The following PACS1 variants were observed in gnomAD, a reference collection of about 807,000 sequenced individuals.
PACS1 encodes the protein PACS-1.
A neutral mutation model predicts 115.0 loss-of-function variants in PACS1; 24 were observed. That is an observed-to-expected ratio of 0.21 (90% CI 0.15 to 0.29). PACS1 has a LOEUF of 0.29. Ranked by LOEUF, PACS1 falls within the 10% of genes least tolerant of loss-of-function variation. The pLI is 1.00. For missense variants in PACS1, 838 were observed against 1,251.2 expected, an observed-to-expected ratio of 0.67 and a Z score of 4.98; for synonymous variants, 453 against 504.5, an observed-to-expected ratio of 0.90 and a Z score of 1.37.
chr11:66,236,071 C>G lies in PACS1; in HGVS notation c.2250+131C>G. On this transcript the variant is annotated intron_variant, in intron 19 of 23. Coordinates refer to ENST00000320580, the MANE Select transcript of PACS1 (RefSeq NM_018026.4). This position sits in a 1 kb window ranked among gnomAD's most constrained non-coding sequence, Gnocchi z 4.2. The stretch of plus-strand genomic sequence containing the variant: ...ACACTGGAGATTTTGCCTCCAGGGA[C>G]TACCTGGCAGTGTCTGGAGACGTGT... 9 of 858,760 alleles carry G rather than the reference C, an allele frequency of 1.0e-5. No homozygotes were observed. Among genetic ancestry groups the G allele is most frequent in the Non-Finnish European group, 1.6e-5 (8 of 498,164 alleles). 53.2% of individuals were successfully genotyped at this position (858,760 alleles called of 1,614,324 possible).
intron 1 of PACS1, among the ~76,000 whole-genome samples, chr11:66,183,983 G>A (rs1056786967): frequency 2.0e-5 from 3 of 152,082 alleles, no homozygotes; most frequent in Non-Finnish European, 4.4e-5. Context: ...TGCCTCTTCT[G>A]TTACAGCCAG....
intron 1 of PACS1, among the ~76,000 whole-genome samples, chr11:66,103,683 G>A (rs187153452): frequency 3.3e-5 from 5 of 151,846 alleles, no homozygotes; most frequent in African/African-American, 1.2e-4. Context: ...GCTGATTTTT[G>A]TATTTTTTTT....
At chr11:66,215,431 C>T (rs1189942919) in intron 4 of PACS1, among the ~76,000 whole-genome samples, 1 of 151,404 alleles carries the variant, frequency 6.6e-6, no homozygotes, top group Non-Finnish European at 1.5e-5. Context: ...AGTGAGACCC[C>T]ATCTCTACAT....
intron 1 of PACS1, among the ~76,000 whole-genome samples, chr11:66,142,983 A>G (rs758929791): frequency 1.3e-5 from 2 of 151,878 alleles, no homozygotes; most frequent in Non-Finnish European, 2.9e-5. Flanking sequence ...TGGGGCTTGA[A>G]TAGAAATTCC....
At chr11:66,228,007 G>T (rs1278406835) in intron 11 of PACS1, among the ~76,000 whole-genome samples, 1 of 152,134 alleles carries the variant, frequency 6.6e-6, no homozygotes. Flanking sequence ...AGGAGTGCAG[G>T]CCTAAGCCCC....
At chr11:66,202,742 AATATATATATAT>A (rs56203680) in intron 2 of PACS1, among the ~76,000 whole-genome samples, 4 of 71,652 alleles carry the variant, frequency 5.6e-5, no homozygotes, top group African/African-American at 1.6e-4. Flanking sequence ...AAAAAAAAAA[AATATATATATAT>A]ATATATATAT....
intron 1 of PACS1, among the ~76,000 whole-genome samples, chr11:66,159,612 G>T (rs1028197192): frequency 6.6e-6 from 1 of 152,110 alleles, no homozygotes. Flanking sequence ...TTTTGGGGGT[G>T]GGGGAGCGGG....
chr11:66,201,826 T>G (rs1261818636), intron 2 of PACS1, among the ~76,000 whole-genome samples: 1 of 152,048 alleles, frequency 6.6e-6, no homozygotes, highest in Non-Finnish European at 1.5e-5. Context: ...TCGCGGCTAA[T>G]TTTTGTATTT....
chr11:66,135,734 G>A (rs1490180238), intron 1 of PACS1, among the ~76,000 whole-genome samples: 2 of 150,692 alleles, frequency 1.3e-5, no homozygotes, highest in African/African-American at 2.4e-5. Context: ...TCAACTCAGT[G>A]CAACCTCCAC....
At chr11:66,101,210 T>TA (rs1267461300) in intron 1 of PACS1, among the ~76,000 whole-genome samples, 1 of 152,246 alleles carries the variant, frequency 6.6e-6, no homozygotes, top group Non-Finnish European at 1.5e-5. Context: ...TTTAAACACT[T>TA]ACATCTACTG....
intron 1 of PACS1, among the ~76,000 whole-genome samples, chr11:66,158,302 A>T (rs970168580): frequency 2.0e-5 from 3 of 152,222 alleles, no homozygotes; most frequent in African/African-American, 7.2e-5. Flanking sequence ...TAGAGATAAG[A>T]TGTTACATCA....
chr11:66,096,217 T>C (rs1199716401), intron 1 of PACS1, among the ~76,000 whole-genome samples: 2 of 41,028 alleles, frequency 4.9e-5, no homozygotes, highest in African/African-American at 1.1e-4. Flanking sequence ...TTCTTTTTTT[T>C]TTTTTTTTTT....
At position 66,235,093 on chromosome 11, in the gene PACS1, G is replaced by T. The variant is rs1259002473; in HGVS notation, c.2105-208G>T. Among the ~76,000 whole-genome samples, 1 of 152,134 alleles carries T rather than the reference G, an allele frequency of 6.6e-6. No individual in the cohort carries two copies. The highest frequency in any genetic ancestry group is 6.5e-5 in the Admixed American group (1 of 15,276). The stretch of plus-strand genomic sequence containing the variant: ...AAGGGTGTGCGTGGCCCAAGAAAGA[G>T]CAGGGCTTTGAGGAACTGCAAAGAT... On this transcript the variant is annotated intron_variant, in intron 17 of 23. Coordinates refer to ENST00000320580, the MANE Select transcript of PACS1 (RefSeq NM_018026.4). This position sits in a 1 kb window ranked among gnomAD's most constrained non-coding sequence, Gnocchi z 5.6.
At chr11:66,223,047 C>G (rs1425550928) in intron 10 of PACS1, among the ~76,000 whole-genome samples, 2 of 99,232 alleles carry the variant, frequency 2.0e-5, no homozygotes, top group Admixed American at 1.5e-4. Context: ...GAGGAGACCT[C>G]GATTTACAAA....
intron 1 of PACS1, among the ~76,000 whole-genome samples, chr11:66,098,026 A>G (rs553550305): frequency 1.3e-5 from 2 of 152,158 alleles, no homozygotes; most frequent in Non-Finnish European, 2.9e-5. Flanking sequence ...AGATACAAAA[A>G]ATTAGCTGGG....
chr11:66,220,963 CCTA>C (rs1855330027), intron 9 of PACS1, among the ~76,000 whole-genome samples, 172 bp downstream of exon 9: 1 of 152,148 alleles, frequency 6.6e-6, no homozygotes, highest in Non-Finnish European at 1.5e-5. Context: ...TGACAGAAGT[CCTA>C]TAGGACTCTC....
intron 1 of PACS1, among the ~76,000 whole-genome samples, chr11:66,086,400 A>G (rs909308096): frequency 3.9e-5 from 6 of 151,976 alleles, no homozygotes; most frequent in African/African-American, 1.5e-4. Flanking sequence ...GGCCTCCCAA[A>G]GTGCTGGGAT....
At chr11:66,125,663 AC>A (rs1858554574) in intron 1 of PACS1, among the ~76,000 whole-genome samples, 1 of 152,326 alleles carries the variant, frequency 6.6e-6, no homozygotes, top group African/African-American at 2.4e-5. Context: ...CCAGTGTCTA[AC>A]TATGCCTGTG....
At chr11:66,106,139 T>C (rs2134537529) in intron 1 of PACS1, among the ~76,000 whole-genome samples, 1 of 152,226 alleles carries the variant, frequency 6.6e-6, no homozygotes, top group Middle Eastern at 3.4e-3. Flanking sequence ...CCTTTAAAAA[T>C]GTAGCTGAGG....
Sources: allele counts gnomAD v4.1 joint callset (sites outside exome capture counted in the v4.1 genomes callset), GRCh38; gene constraint gnomAD v4.1.1; non-coding constraint Gnocchi (gnomAD v3.1); transcripts MANE v1.5; gene names NCBI Gene and HGNC (gene_info 2026-07-23, HGNC 2026-07-21).